Variants in ARHGAP26 observed in about 807,000 individuals in gnomAD.
ARHGAP26 encodes Rho GTPase activating protein 26, also known as rho GTPase-activating protein 26.
Under a neutral mutation model 104.8 loss-of-function variants are expected in ARHGAP26, and 38 were observed. That is an observed-to-expected ratio of 0.36 (90% confidence interval 0.28 to 0.48). ARHGAP26 has a LOEUF of 0.48. Ranked by LOEUF, ARHGAP26 falls within the 20% of genes least tolerant of loss-of-function variation. The pLI is 0.99. For missense variants in ARHGAP26, 704 were observed against 947.9 expected (o/e 0.74, Z 3.38); for synonymous variants, 341 against 340.0 (o/e 1.00, Z -0.03).
At chr5:143,107,050 CTG>C (rs1053650820) in intron 17 of ARHGAP26, among the ~76,000 whole-genome samples, 1 of 152,110 alleles carries the variant, frequency 6.6e-6, no homozygotes, top group African/African-American at 2.4e-5. Context: ...ACTGATGTAT[CTG>C]TGTGTTATTT....
intron 1 of ARHGAP26, among the ~76,000 whole-genome samples, chr5:142,863,260 A>G (rs1035979935): frequency 6.6e-6 from 1 of 152,002 alleles, no homozygotes; most frequent in Non-Finnish European, 1.5e-5. Context: ...ACAGGTGCCC[A>G]CCACCAAGCC....
chr5:142,922,393 A>G (rs958227197), intron 10 of ARHGAP26, among the ~76,000 whole-genome samples: 2 of 151,492 alleles, frequency 1.3e-5, no homozygotes, highest in African/African-American at 4.9e-5. Flanking sequence ...CAGCTGTCCT[A>G]TATACACCTT....
chr5:143,065,649 C>T (rs1365703918), intron 17 of ARHGAP26, among the ~76,000 whole-genome samples: 2 of 152,158 alleles, frequency 1.3e-5, no homozygotes, highest in African/African-American at 4.8e-5. Flanking sequence ...CTTGGCTTCT[C>T]CTGTTTGTAT....
chr5:143,221,989 T>C (rs1369705910), intron 22 of ARHGAP26, among the ~76,000 whole-genome samples: 1 of 152,124 alleles, frequency 6.6e-6, no homozygotes, highest in East Asian at 1.9e-4. Context: ...CCAGGACAAC[T>C]GTTGCCCTCT....
rs751444812 is a variant in ARHGAP26, at chr5:142,963,213, TGTGTGTGCGC to T, written c.1107+31096_1107+31105del. 3.7e-3 allele frequency among the ~76,000 whole-genome samples: 406 copies of T among 108,626 alleles called. 6 individuals are homozygous for T. Among genetic ancestry groups the T allele is most frequent in the African/African-American group, 0.011 (263 of 23,376 alleles). The allele number at this position is 108,626 out of a possible 152,430, so 71.3% of individuals were successfully genotyped here. A position where few individuals can be genotyped will look rare whatever the true frequency, so the allele number is the denominator to read the frequency against. Reference sequence around the variant, plus strand: ...ATATATATATATGTGTGTGTGTGTGTGTGTGTGCGCGTGTGTGTGTGTACCACATTTTCTT... The same window carrying T: ...ATATATATATATGTGTGTGTGTGTGTGTGTGTGTGTGTACCACATTTTCTT... On this transcript the variant is annotated intron_variant, in intron 11 of 22. Transcript: ENST00000645722.
rs1214987001 is a variant in ARHGAP26, at chr5:143,226,613, A to AAAT, written c.*4168_*4169insATA. ...ATCTTTTCTCCTGTTTTTCAAAATA[A>AAAT]ACATATATAGGGATGGACCCTGTGC... is the stretch of plus-strand genomic sequence containing the variant. On this transcript the variant is annotated 3_prime_UTR_variant, in exon 23 of 23. Coordinates refer to ENST00000645722, the MANE Select transcript of ARHGAP26 (RefSeq NM_001135608.3). 1.9e-5 allele frequency: 4 copies of AAAT among 215,166 alleles called. No homozygotes were observed. Among genetic ancestry groups the AAAT allele is most frequent in the African/African-American group, 4.5e-5 (2 of 44,220 alleles). The allele number at this position is 215,166 out of a possible 1,614,324, so 13.3% of individuals were successfully genotyped here. A position where few individuals can be genotyped will look rare whatever the true frequency, so the allele number is the denominator to read the frequency against.
chr5:142,907,726 G>A lies in ARHGAP26; in HGVS notation c.855G>A (p.Val285=). 6.2e-7 allele frequency: 1 copy of A among 1,606,474 alleles called. No individual in the cohort carries two copies. The highest frequency in any genetic ancestry group is 8.5e-7 in the Non-Finnish European group (1 of 1,175,046). Residue 285 remains valine (V), a synonymous_variant, in exon 9 of 23, where the codon GTG becomes GTA. Transcript: ENST00000645722. ...QEKRHFGTSW[V]KHYCTYQRDS... Reference sequence around the variant, plus strand: ...CAGGTCACTTTGGAACTTCTTGGGTGAAGCACTACTGTACATATCAACGGG... The same window carrying A: ...CAGGTCACTTTGGAACTTCTTGGGTAAAGCACTACTGTACATATCAACGGG...
At chr5:142,994,316 G>A (rs2152764607) in intron 11 of ARHGAP26, among the ~76,000 whole-genome samples, 1 of 152,300 alleles carries the variant, frequency 6.6e-6, no homozygotes, top group East Asian at 1.9e-4. Context: ...GGACAGATGA[G>A]GAAACAGCTA....
intron 12 of ARHGAP26, among the ~76,000 whole-genome samples, chr5:143,027,837 A>G (rs1228231551): frequency 6.6e-6 from 1 of 152,224 alleles, no homozygotes; most frequent in Non-Finnish European, 1.5e-5. Context: ...TGCTTAGTAT[A>G]TAGTACAGTG....
chr5:143,165,932 G>A, intron 20 of ARHGAP26: 2 of 813,978 alleles, frequency 2.5e-6, no homozygotes, highest in South Asian at 3.7e-5. Flanking sequence ...AAATGAAATA[G>A]TTCATGTAGA....
chr5:142,842,555 G>A (rs1318326691), intron 1 of ARHGAP26, among the ~76,000 whole-genome samples: 1 of 152,226 alleles, frequency 6.6e-6, no homozygotes, highest in Non-Finnish European at 1.5e-5. Flanking sequence ...TCATCCCTGT[G>A]TGTCGGGAAG....
intron 22 of ARHGAP26, chr5:143,216,344 C>T (rs916766896): frequency 1.2e-4 from 57 of 466,942 alleles, no homozygotes; most frequent in Admixed American, 2.6e-4. Context: ...CGAGAGTGAT[C>T]TTTGAAAAAC....
At chr5:142,902,539 A>G (rs1233583480) in intron 7 of ARHGAP26, among the ~76,000 whole-genome samples, 1 of 152,234 alleles carries the variant, frequency 6.6e-6, no homozygotes, top group Non-Finnish European at 1.5e-5. Flanking sequence ...AGCATTCCCA[A>G]GGTTTAAACA....
In ARHGAP26 at chr5:143,041,901, C is replaced by T. The variant is rs1032905822; in HGVS notation, c.1285+11C>T. ...TGAGTGTCCTGATGGGTGAGTGCCG[C>T]AGTGGCTCTGCTAGGCAGGTCCCTG... is the stretch of plus-strand genomic sequence containing the variant. On this transcript the variant is annotated intron_variant, in intron 14 of 22. Coordinates refer to ENST00000645722, the MANE Select transcript of ARHGAP26 (RefSeq NM_001135608.3). 7.0e-6 allele frequency: 11 copies of T among 1,576,836 alleles called. No homozygotes were observed. Among genetic ancestry groups the T allele is most frequent in the Non-Finnish European group, 8.6e-6 (10 of 1,160,550 alleles).
rs140166818 is a variant in ARHGAP26 at position 143,119,017 on chromosome 5, A to G, written c.1539-1971A>G. Among the ~76,000 whole-genome samples, 252 of 152,268 alleles carry G rather than the reference A, an allele frequency of 1.7e-3. 1 individual carries two copies. The highest frequency in any genetic ancestry group is 5.8e-3 in the African/African-American group (243 of 41,548). Reference sequence around the variant, plus strand: ...GTTTACAGTCGTCATTATCAGAACAATTAAACAATAAAAGCACTGCTAAAC... The same window carrying G: ...GTTTACAGTCGTCATTATCAGAACAGTTAAACAATAAAAGCACTGCTAAAC... On this transcript the variant is annotated intron_variant, in intron 17 of 22. Coordinates refer to ENST00000645722, the MANE Select transcript of ARHGAP26 (RefSeq NM_001135608.3).
chr5:142,858,094 TGA>T lies in ARHGAP26; in HGVS notation c.155-15290_155-15289del, dbSNP rs1249755991. Among the ~76,000 whole-genome samples, 1,183 of 127,126 alleles carry T rather than the reference TGA, an allele frequency of 9.3e-3. 10 individuals carry two copies. The highest frequency in any genetic ancestry group is 0.02 in the Middle Eastern group (5 of 252). The allele number at this position is 127,126 out of a possible 152,430, so 83.4% of individuals were successfully genotyped here. ...GTGTGTGTGTGTGTGTGTGTGTGTG[TGA>T]GAGAGAGAGAGAGAGGGAGTGTGTG... On this transcript the variant is annotated intron_variant, in intron 1 of 22. Coordinates refer to ENST00000645722, the MANE Select transcript of ARHGAP26 (RefSeq NM_001135608.3).
chr5:143,118,816 C>T (rs1379955943), intron 17 of ARHGAP26, among the ~76,000 whole-genome samples: 1 of 151,834 alleles, frequency 6.6e-6, no homozygotes, highest in South Asian at 2.1e-4. Context: ...GGAGGGATAG[C>T]ATTAGGAGAT....
chr5:143,205,384 C>T (rs558972640), intron 20 of ARHGAP26, among the ~76,000 whole-genome samples: 9 of 152,200 alleles, frequency 5.9e-5, no homozygotes, highest in Admixed American at 4.6e-4. Flanking sequence ...ATATGAATGC[C>T]ATCTGCTATA....
chr5:142,783,985 C>T (rs563299618), intron 1 of ARHGAP26, among the ~76,000 whole-genome samples: 54 of 152,204 alleles, frequency 3.5e-4, no homozygotes, highest in Non-Finnish European at 7.1e-4. Flanking sequence ...GAGGCCAGGG[C>T]AGGCACTGGA....
Sources: gnomAD v4.1 joint callset for allele counts (sites outside exome capture counted in the v4.1 genomes callset) on GRCh38, gnomAD v4.1.1 for gene constraint, MANE v1.5 for transcripts, NCBI Gene and HGNC (gene_info 2026-07-23, HGNC 2026-07-21) for gene names.